The following IRAK1 variants were observed in gnomAD, a reference collection of about 807,000 sequenced individuals.
The protein encoded by IRAK1 is interleukin-1 receptor-associated kinase 1.
In IRAK1, 9 loss-of-function variants were observed where a neutral mutation model predicts 49.8. That is an observed-to-expected ratio of 0.18 (90% confidence interval 0.11 to 0.32). The LOEUF (loss-of-function observed/expected upper bound fraction) is 0.32. Among genes scored for constraint, IRAK1 ranks in the 10% least tolerant of loss-of-function variants. The pLI, the probability that IRAK1 is intolerant of heterozygous loss-of-function variation, is 1.00. For synonymous variants in IRAK1, 282 were observed against 270.8 expected (o/e 1.04, Z -0.41); for missense variants, 418 against 600.5 (o/e 0.70, Z 3.18).
rs1557129236 is a variant in IRAK1, at chrX:154,016,519, C to T, written c.1154G>A (p.Arg385Gln). 10 of 1,211,020 alleles carry T rather than the reference C, an allele frequency of 8.3e-6. No individual in the cohort carries two copies. The African/African-American group carries it at 1.0e-4, about 13-fold the overall frequency. Reference protein sequence around the residue: ...SSMVARTQTVRGTLAYLPEEY... With the variant: ...SSMVARTQTVQGTLAYLPEEY... ...CTCGGGCAGGTAGGCCAGGGTGCCC[C>T]GCACTGTCTGTGTCCGGGCCACCAT... The change falls in exon 9 of 14, where the codon CGG (arginine) becomes CAG (glutamine). Residue 385 changes from arginine (R) to glutamine (Q), a missense_variant. Coordinates refer to ENST00000369980, the MANE Select transcript of IRAK1 (RefSeq NM_001569.4).
chrX:154,012,946 C>T, intron 12 of IRAK1, 97 bp downstream of exon 12: 1 of 1,063,875 alleles, frequency 9.4e-7, no homozygotes, highest in East Asian at 3.2e-5. Flanking sequence ...GAACATTTGG[C>T]CCTGGTTCTC....
At chrX:154,012,342 A>G (rs1469246467) in intron 13 of IRAK1, among the ~76,000 whole-genome samples, 187 bp downstream of exon 13, 1 of 112,754 alleles carries the variant, frequency 8.9e-6, no homozygotes, top group Non-Finnish European at 1.9e-5. Context: ...TCAGGAGGCG[A>G]GGGAAGGAGT....
chrX:154,014,582 C>T (rs1557128646), intron 10 of IRAK1, among the ~76,000 whole-genome samples: 1 of 110,596 alleles, frequency 9.0e-6, no homozygotes. Context: ...TGCAGTGGTG[C>T]AATCATGGCT....
At position 154,013,398 on chromosome X, in the gene IRAK1, C is replaced by A; in HGVS notation, c.1575G>T (p.Val525=). 1 of 1,197,122 alleles carries A rather than the reference C, an allele frequency of 8.4e-7. No individual in the cohort carries two copies. Among genetic ancestry groups the A allele is most frequent in the South Asian group, 1.8e-5 (1 of 55,263 alleles). Reference sequence around the variant, plus strand: ...CCTCCGAATGCCCGGGCACCCCCGCCACCACTGCCTGCAGCTTCTCTAGCC... The same window carrying A: ...CCTCCGAATGCCCGGGCACCCCCGCAACCACTGCCTGCAGCTTCTCTAGCC... ...YERLEKLQAV[V]AGVPGHSEAA... is the part of the protein sequence containing the mutation. Residue 525 remains valine (V), a synonymous_variant, in exon 12 of 14, where the codon GTG becomes GTT. Coordinates refer to ENST00000369980, the MANE Select transcript of IRAK1 (RefSeq NM_001569.4).
At position 154,011,748 on chromosome X, in the gene IRAK1, T is replaced by C. The variant is rs781786701; in HGVS notation, c.*111A>G. 6 of 781,828 alleles carry C rather than the reference T, an allele frequency of 7.7e-6. No individual in the cohort carries two copies. Among genetic ancestry groups the C allele is most frequent in the Admixed American group, 6.7e-5 (3 of 44,580 alleles). 64.4% of individuals were successfully genotyped at this position (781,828 alleles called of 1,213,427 possible). A position where few individuals can be genotyped will look rare whatever the true frequency, so the allele number is the denominator to read the frequency against. ...CACCTCCTTCTCTCCCCCGCGGGCATGGGCCCCCACCCCCACTGCCGGCAG... is the reference window on the plus strand; with the variant it reads ...CACCTCCTTCTCTCCCCCGCGGGCACGGGCCCCCACCCCCACTGCCGGCAG... On this transcript the variant is annotated 3_prime_UTR_variant, in exon 14 of 14. Coordinates refer to ENST00000369980, the MANE Select transcript of IRAK1 (RefSeq NM_001569.4).
chrX:154,013,971 G>A, intron 11 of IRAK1, 71 bp downstream of exon 11: 1 of 1,134,332 alleles, frequency 8.8e-7, no homozygotes, highest in African/African-American at 1.8e-5. Flanking sequence ...CTGAGATGGG[G>A]TCACTACAGA....
chrX:154,013,547 A>C, intron 11 of IRAK1, 114 bp from the exon 12 acceptor site: 1 of 708,837 alleles, frequency 1.4e-6, no homozygotes, highest in Non-Finnish European at 2.0e-6. Flanking sequence ...GGGCTCTAAA[A>C]TGACATACCC....
Position 154,011,818 on chromosome X carries a change from C to CT in IRAK1, c.*40dup. On this transcript the variant is annotated 3_prime_UTR_variant, in exon 14 of 14. Transcript: ENST00000369980. ...CCATGAGAACTTCTGACCATGAGAA[C>CT]TTTGACTTCCGGATTTGGGGGATCT... 1 of 1,177,479 alleles carries CT rather than the reference C, an allele frequency of 8.5e-7. No homozygotes were observed. The highest frequency in any genetic ancestry group is 1.8e-5 in the South Asian group (1 of 56,308).
chrX:154,013,107 C>T lies in IRAK1; in HGVS notation c.1866G>A (p.Gln622=), dbSNP rs374546511. ...AGCTCGATTCTCCTGCCGTGTCCCC[C>T]TGAGGACAGCCGGCCTCCCTGAGGG... The part of the protein sequence containing the change: ...PAPLREAGCP[Q]GDTAGESSWG... Residue 622 remains glutamine (Q), a synonymous_variant, in exon 12 of 14, where the codon CAG becomes CAA. Transcript: ENST00000369980. The T allele has an allele frequency of 1.2e-5, 14 of 1,209,098 alleles. No homozygotes were observed. The highest frequency in any genetic ancestry group is 1.6e-5 in the Non-Finnish European group (14 of 895,137).
intron 4 of IRAK1, 81 bp downstream of exon 4, chrX:154,018,894 G>C: frequency 1.1e-6 from 1 of 918,480 alleles, no homozygotes; most frequent in Non-Finnish European, 1.5e-6. Flanking sequence ...CAGCTTGGCT[G>C]ACTGGGGCTC....
intron 10 of IRAK1, among the ~76,000 whole-genome samples, chrX:154,015,402 G>A (rs190941993): frequency 1.4e-4 from 16 of 112,508 alleles, no homozygotes; most frequent in Admixed American, 8.4e-4. Flanking sequence ...GAATCCTGAC[G>A]GAGACCCCAC....
chrX:154,019,292 G>A lies in IRAK1; in HGVS notation c.341C>T (p.Thr114Ile). 2 of 1,182,912 alleles carry A rather than the reference G, an allele frequency of 1.7e-6. No individual in the cohort carries two copies. Among genetic ancestry groups the A allele is most frequent in the Non-Finnish European group, 2.3e-6 (2 of 880,288 alleles). ...AGGGATGCTGCTGGGCCTCGGGGCA[G>A]TGGTGCCTGGGGACGGAAGCGGGGC... ...PPAPLPSPGT[T>I]APRPSSIPAP... Residue 114 changes from threonine (T) to isoleucine (I), a missense_variant, in exon 3 of 14, where the codon ACT (threonine) becomes ATT (isoleucine). By Grantham distance (89) the Thr-to-Ile change is moderately conservative. Around this residue, in one of 3 missense-constraint regions of IRAK1, gnomAD observed 377 missense variants for 499.5 expected, o/e 0.75. Transcript: ENST00000369980.
rs1487883742 is a variant in IRAK1 at position 154,011,018 on chromosome X, G to A, written c.*841C>T. The A allele has an allele frequency of 2.9e-6, 1 of 341,295 alleles. No homozygotes were observed. The highest frequency in any genetic ancestry group is 5.9e-6 in the Non-Finnish European group (1 of 170,035). The allele number at this position is 341,295 out of a possible 1,213,427, so 28.1% of individuals were successfully genotyped here. On this transcript the variant is annotated 3_prime_UTR_variant, in exon 14 of 14. Transcript: ENST00000369980. The stretch of plus-strand genomic sequence containing the variant: ...GAGGTGGGTGCTGCTCGACTTTCTG[G>A]AGGATCTCAGAATTCTCGCTTCTTG...
chrX:154,016,889 G>T (rs11465836), intron 8 of IRAK1, 60 bp downstream of exon 8: 9,548 of 870,984 alleles, frequency 0.011, 60 homozygotes, highest in Non-Finnish European at 0.014. Context: ...ACATTGATAG[G>T]ACGCGGGGCC....
intron 13 of IRAK1, 108 bp from the exon 14 acceptor site, chrX:154,012,025 G>A (rs1433135085): frequency 3.9e-5 from 25 of 633,088 alleles, no homozygotes; most frequent in Non-Finnish European, 5.7e-5. Context: ...TGGGGCGTTC[G>A]TGGGAATTGA....
In IRAK1 at chrX:154,018,956, G is replaced by A. The variant is rs41311696; in HGVS notation, c.540+19C>T. ...TCCTCCTTGTCTCGAATCTTCCCTG[G>A]GGGGCAGGGGACACCTACCTTGGTA... On this transcript the variant is annotated intron_variant, in intron 4 of 13. Transcript: ENST00000369980. 2,814 of 1,130,028 alleles carry A rather than the reference G, an allele frequency of 2.5e-3. 6 individuals are homozygous for A. Among genetic ancestry groups the A allele is most frequent in the Non-Finnish European group, 3.2e-3 (2,684 of 835,752 alleles). The allele number at this position is 1,130,028 out of a possible 1,213,427, so 93.1% of individuals were successfully genotyped here.
At chrX:154,012,850 TG>T (rs2065709769) in intron 12 of IRAK1, among the ~76,000 whole-genome samples, 172 bp from the exon 13 acceptor site, 2 of 110,854 alleles carry the variant, frequency 1.8e-5, no homozygotes, top group African/African-American at 6.6e-5. Flanking sequence ...AGGAATGGGG[TG>T]GGGGGAGGGC....
In IRAK1 at chrX:154,010,900, C is replaced by A; in HGVS notation, c.*959G>T. On this transcript the variant is annotated 3_prime_UTR_variant, in exon 14 of 14. Coordinates refer to ENST00000369980, the MANE Select transcript of IRAK1 (RefSeq NM_001569.4). ...AAGCCTGACCTGGCTCGGAGCTCGTCTGTGGCGCCCAGGGATGGCCTGGCT... is the reference window on the plus strand; with the variant it reads ...AAGCCTGACCTGGCTCGGAGCTCGTATGTGGCGCCCAGGGATGGCCTGGCT... 1 of 338,316 alleles carries A rather than the reference C, an allele frequency of 3.0e-6. No individual in the cohort carries two copies. Among genetic ancestry groups the A allele is most frequent in the Non-Finnish European group, 6.0e-6 (1 of 167,921 alleles). 27.9% of individuals were successfully genotyped at this position (338,316 alleles called of 1,213,427 possible).
rs782705096 is a variant in IRAK1 at position 154,019,762 on chromosome X, G to T, written c.51C>A (p.His17Gln). The T allele has an allele frequency of 1.1e-6, 1 of 941,006 alleles. No homozygotes were observed. Among genetic ancestry groups the T allele is most frequent in the East Asian group, 4.5e-5 (1 of 22,251 alleles). The allele number at this position is 941,006 out of a possible 1,213,427, so 77.5% of individuals were successfully genotyped here. A position where few individuals can be genotyped will look rare whatever the true frequency, so the allele number is the denominator to read the frequency against. The change falls in exon 1 of 14, where the codon CAC becomes CAA. Residue 17 changes from histidine (H) to glutamine (Q), a missense_variant. His to Gln is a conservative substitution (Grantham distance 24, BLOSUM62 0). Around this residue, in one of 3 missense-constraint regions of IRAK1, gnomAD observed 20 missense variants for 16.1 expected, o/e 1.24. Transcript: ENST00000369980. Reference sequence around the variant, plus strand: ...CCCAGGGCGGCACCTCGTACAAGAAGTGCTGGGCGCCGGGGGCTGCGGGCT... The same window carrying T: ...CCCAGGGCGGCACCTCGTACAAGAATTGCTGGGCGCCGGGGGCTGCGGGCT... ...PGEPAAPGAQ[H>Q]FLYEVPPWVM...
Sources: allele counts gnomAD v4.1 joint callset (sites outside exome capture counted in the v4.1 genomes callset), GRCh38; gene constraint gnomAD v4.1.1; regional missense constraint gnomAD v4.1.1; transcripts MANE v1.5; gene names NCBI Gene and HGNC (gene_info 2026-07-23, HGNC 2026-07-21).